Variants in MORN1 observed in about 807,000 individuals in gnomAD.
MORN1 encodes MORN repeat containing 1.
MORN1 carries 67 observed loss-of-function variants against 61.9 expected under a neutral mutation model. The ratio of observed to expected loss-of-function variants is 1.08; its 90% CI spans 0.89 to 1.33. The LOEUF is 1.33. Among genes scored for constraint, MORN1 ranks in the 40% most tolerant of loss-of-function variants. The pLI is 0.00. For synonymous variants in MORN1, 301 were observed against 292.0 expected (o/e 1.03, Z -0.31); for missense variants, 752 against 691.2 (o/e 1.09, Z -0.99).
chr1:2,358,780 G>C (rs996628216), intron 8 of MORN1, 65 bp from the exon 9 acceptor site: 1 of 1,546,880 alleles, frequency 6.5e-7, no homozygotes, highest in African/African-American at 1.4e-5. Flanking sequence ...GCGCGGGCCC[G>C]GGGCAGGCTT....
Position 2,390,560 on chromosome 1 carries a change from A to C in MORN1, c.77-564T>G, listed in dbSNP as rs564357121. On this transcript the variant is annotated intron_variant, in intron 1 of 13. Coordinates refer to ENST00000378531, the MANE Select transcript of MORN1 (RefSeq NM_024848.3). ...CAGGAATGGGCAGGGCTCCCTCCCT[A>C]CCAGCTCCTCAGGCACATTTTGTGG... 8 of 985,276 alleles carry C rather than the reference A, an allele frequency of 8.1e-6. No homozygotes were observed. The African/African-American group carries it at 1.2e-4, about 15-fold the overall frequency. The allele number at this position is 985,276 out of a possible 1,614,324, so 61.0% of individuals were successfully genotyped here.
chr1:2,361,314 T>C (rs903839726), intron 8 of MORN1, among the ~76,000 whole-genome samples: 5 of 115,064 alleles, frequency 4.3e-5, no homozygotes, highest in Admixed American at 2.7e-4. Context: ...CCCAGCACTT[T>C]GGGAGGCCAA....
At chr1:2,323,274 A>T in intron 13 of MORN1, 4 of 985,372 alleles carry the variant, frequency 4.1e-6, no homozygotes, top group Non-Finnish European at 3.6e-6. Flanking sequence ...CCCCACGACC[A>T]GGGTGGCTCT....
intron 2 of MORN1, 99 bp downstream of exon 2, chr1:2,389,826 T>TAC (rs1218438016): frequency 9.5e-7 from 1 of 1,052,712 alleles, no homozygotes; most frequent in Non-Finnish European, 1.5e-6. Context: ...GCTCGAAAGC[T>TAC]ACAGGAAATG....
chr1:2,341,692 GAAA>G (rs68071614), intron 10 of MORN1, among the ~76,000 whole-genome samples: 21,211 of 133,862 alleles, frequency 0.16, 1,793 homozygotes, highest in Middle Eastern at 0.26. Context: ...TCCGTCTCAA[GAAA>G]AAAAAAAAAA....
chr1:2,348,691 A>G lies in MORN1; in HGVS notation c.1036+8741T>C, dbSNP rs371499231. On this transcript the variant is annotated intron_variant, in intron 10 of 13. Coordinates refer to ENST00000378531, the MANE Select transcript of MORN1 (RefSeq NM_024848.3). ...CACGCACACCTGCGCAGGCACGCAC[A>G]CACACGCACGCACACGCACACCTGC... 1.9e-4 allele frequency among the ~76,000 whole-genome samples: 28 copies of G among 149,448 alleles called. No homozygotes were observed. The East Asian group carries it at 2.2e-3, about 12-fold the overall frequency.
At chr1:2,343,583 G>C (rs1481878614) in intron 10 of MORN1, among the ~76,000 whole-genome samples, 1 of 152,128 alleles carries the variant, frequency 6.6e-6, no homozygotes, top group African/African-American at 2.4e-5. Flanking sequence ...CTGTCCTCAG[G>C]GTTCTCCTCA....
At chr1:2,326,289 G>T (rs925070610) in intron 12 of MORN1, 1 of 152,238 alleles carries the variant, frequency 6.6e-6, no homozygotes, top group Admixed American at 6.5e-5. Context: ...ACAGGAGTGC[G>T]GGCGAGTTGG....
intron 4 of MORN1, 38 bp downstream of exon 4, chr1:2,387,380 GC>G: frequency 6.8e-7 from 1 of 1,467,322 alleles, no homozygotes. Flanking sequence ...TCCTGAAAGC[GC>G]CCACCCTCAC....
chr1:2,331,935 G>A (rs1229230406), intron 12 of MORN1, among the ~76,000 whole-genome samples: 2 of 91,324 alleles, frequency 2.2e-5, no homozygotes, highest in African/African-American at 9.3e-5. Context: ...CCTCTCCCTC[G>A]TGCGCCTCTC....
chr1:2,356,150 G>A (rs1007193871), intron 10 of MORN1, among the ~76,000 whole-genome samples: 2 of 152,196 alleles, frequency 1.3e-5, no homozygotes, highest in Admixed American at 6.5e-5. Context: ...GGGAGGCGGC[G>A]CGACGGCCGC....
chr1:2,331,057 G>C (rs1641137761), intron 12 of MORN1, among the ~76,000 whole-genome samples: 1 of 152,080 alleles, frequency 6.6e-6, no homozygotes, highest in African/African-American at 2.4e-5. Flanking sequence ...CAGGGCAGCA[G>C]GCGGCGGGCA....
intron 4 of MORN1, chr1:2,386,229 C>A (rs1006885807): frequency 3.0e-6 from 1 of 335,826 alleles, no homozygotes; most frequent in East Asian, 6.2e-5. Context: ...ACAGGCTCTG[C>A]GTGCTGCTGG....
rs1056456547 is a variant in MORN1, at chr1:2,325,199, CT to C, written c.1251-1057del. On this transcript the variant is annotated intron_variant, in intron 12 of 13. Transcript: ENST00000378531. Reference sequence around the variant, plus strand: ...CTTCCTTCCCTTCCTTCACTTCCTTCTTTTTTTTCTTTCTTCTTTTCTTTCT... The same window carrying C: ...CTTCCTTCCCTTCCTTCACTTCCTTCTTTTTTTCTTTCTTCTTTTCTTTCT... Among the ~76,000 whole-genome samples, 14 of 124,294 alleles carry C rather than the reference CT, an allele frequency of 1.1e-4. 1 individual carries two copies. Among genetic ancestry groups the C allele is most frequent in the Non-Finnish European group, 2.0e-4 (12 of 61,182 alleles). The allele number at this position is 124,294 out of a possible 152,430, so 81.5% of individuals were successfully genotyped here. A position where few individuals can be genotyped will look rare whatever the true frequency, so the allele number is the denominator to read the frequency against.
intron 12 of MORN1, among the ~76,000 whole-genome samples, chr1:2,332,939 CAGGCTGCCTACG>C (rs1211751990): frequency 6.6e-6 from 1 of 152,178 alleles, no homozygotes; most frequent in Non-Finnish European, 1.5e-5. Context: ...TGCAGCCCAC[CAGGCTGCCTACG>C]AGGATGCCTC....
At chr1:2,323,940 G>A (rs1380886789) in intron 13 of MORN1, 157 bp downstream of exon 13, 1 of 984,138 alleles carries the variant, frequency 1.0e-6, no homozygotes, top group Non-Finnish European at 1.2e-6. Context: ...TCAGGTCCCT[G>A]GGAGGGCCTG....
In MORN1 at chr1:2,323,275, G is replaced by C. The variant is rs558449014; in HGVS notation, c.1297+822C>G. ...CACACGGGTGCCGTCCCCACGACCA[G>C]GGTGGCTCTGCTTGTTCTCCCGCTG... On this transcript the variant is annotated intron_variant, in intron 13 of 13. Coordinates refer to ENST00000378531, the MANE Select transcript of MORN1 (RefSeq NM_024848.3). The C allele has an allele frequency of 1.2e-3, 1,165 of 985,404 alleles. 3 individuals are homozygous for C. Among genetic ancestry groups the C allele is most frequent in the Non-Finnish European group, 1.1e-3 (943 of 829,922 alleles). 61.0% of individuals were successfully genotyped at this position (985,404 alleles called of 1,614,324 possible). A position where few individuals can be genotyped will look rare whatever the true frequency, so the allele number is the denominator to read the frequency against.
rs1642530171 is a variant in MORN1 at position 2,387,421 on chromosome 1, TC to T, written c.355del (p.Glu119LysfsTer100). 1 of 1,612,430 alleles carries T rather than the reference TC, an allele frequency of 6.2e-7. No individual in the cohort carries two copies. The highest frequency in any genetic ancestry group is 1.3e-5 in the African/African-American group (1 of 75,032). ...YEGEVSHGMR[E>X]GHGFLVDRDG... ...CCCGGCTCCTGTGGGCGCCAGACCT[TC>T]CCGCATGCCGTGGGAGACCTCCCCT... is the stretch of plus-strand genomic sequence containing the variant. On this transcript the variant is annotated frameshift_variant, in exon 4 of 14. Coordinates refer to ENST00000378531, the MANE Select transcript of MORN1 (RefSeq NM_024848.3). LOFTEE classifies it high-confidence loss of function.
chr1:2,350,141 G>A (rs921549521), intron 10 of MORN1, among the ~76,000 whole-genome samples: 2 of 152,156 alleles, frequency 1.3e-5, no homozygotes, highest in African/African-American at 4.8e-5. Flanking sequence ...AATTACAAAA[G>A]GTTAAGAGAC....
Sources: gnomAD v4.1 joint callset for allele counts (sites outside exome capture counted in the v4.1 genomes callset) on GRCh38, gnomAD v4.1.1 for gene constraint, MANE v1.5 for transcripts, NCBI Gene and HGNC (gene_info 2026-07-23, HGNC 2026-07-21) for gene names.